Variants in TRIP11 observed in about 807,000 individuals in gnomAD.
TRIP11 encodes thyroid hormone receptor interactor 11.
TRIP11 carries 148 observed loss-of-function variants against 223.1 expected under a neutral mutation model. That is an observed-to-expected ratio of 0.66 (90% CI 0.58 to 0.76). The LOEUF (loss-of-function observed/expected upper bound fraction) is 0.76, where lower values mean the gene tolerates loss of function less well. TRIP11 is among the 30% of genes least tolerant of loss of function. The probability of loss-of-function intolerance (pLI) is 0.00; values close to 1 mark genes in which losing one functional copy is unlikely to be tolerated. For synonymous variants in TRIP11, 762 were observed against 772.6 expected (o/e 0.99, Z 0.23); for missense variants, 2,043 against 2,222.0 (o/e 0.92, Z 1.62).
At chr14:92,019,303 C>T (rs2057080139) in intron 4 of TRIP11, among the ~76,000 whole-genome samples, 1 of 152,140 alleles carries the variant, frequency 6.6e-6, no homozygotes, top group Non-Finnish European at 1.5e-5. Context: ...TTATCAGAAT[C>T]ACCAGGGCTA....
rs779255597 is a variant in TRIP11 at position 92,004,584 on chromosome 14, G to A, written c.3392C>T (p.Ala1131Val). The change falls in exon 11 of 21, where the codon GCA becomes GTA. Residue 1131 changes from alanine to valine, a missense_variant. Coordinates refer to ENST00000267622, the MANE Select transcript of TRIP11 (RefSeq NM_004239.4). ...TTCATCTTGCAGTTTGATAAGAGCT[G>A]CTTCCTTGGCAGCAACAATATCCAT... ...KMMDIVAAKE[A>V]ALIKLQDENK... 9.9e-6 allele frequency: 16 copies of A among 1,613,956 alleles called. No homozygotes were observed. Among genetic ancestry groups the A allele is most frequent in the East Asian group, 8.9e-5 (4 of 44,866 alleles).
At chr14:91,970,496 C>T (rs1471539140) in intron 20 of TRIP11, among the ~76,000 whole-genome samples, 2 of 151,940 alleles carry the variant, frequency 1.3e-5, no homozygotes, top group Admixed American at 6.6e-5. Context: ...ATTTGTATGG[C>T]TAAAATCTGA....
chr14:92,015,804 G>C lies in TRIP11; in HGVS notation c.715C>G (p.Leu239Val). ...AATTTCTGTTGGTGTGCATTCTGCA[G>C]TACTGACATTTCATGTTGATGGTCA... ...IDDHQHEMSVLQNAHQQKLTE... is the reference protein window; with the variant it reads ...IDDHQHEMSVVQNAHQQKLTE... Residue 239 changes from leucine (L) to valine (V), a missense_variant, in exon 6 of 21, where the codon CTG (leucine) becomes GTG (valine). Coordinates refer to ENST00000267622, the MANE Select transcript of TRIP11 (RefSeq NM_004239.4). 1 of 1,613,280 alleles carries C rather than the reference G, an allele frequency of 6.2e-7. No homozygotes were observed. The highest frequency in any genetic ancestry group is 8.5e-7 in the Non-Finnish European group (1 of 1,179,832).
chr14:92,021,875 A>G (rs750645855), intron 3 of TRIP11, 44 bp from the exon 4 acceptor site: 1 of 1,590,692 alleles, frequency 6.3e-7, no homozygotes, highest in South Asian at 1.1e-5. Context: ...ACTTTAAAAC[A>G]ATCATATTGA....
intron 1 of TRIP11, among the ~76,000 whole-genome samples, chr14:92,035,596 GA>G (rs1267871901): frequency 9.8e-6 from 1 of 102,112 alleles, no homozygotes; most frequent in Non-Finnish European, 2.0e-5. Flanking sequence ...TTTTTTTTTT[GA>G]GACAGAGTCT....
intron 1 of TRIP11, among the ~76,000 whole-genome samples, chr14:92,036,076 G>C (rs998016384): frequency 5.9e-5 from 9 of 152,280 alleles, no homozygotes; most frequent in Non-Finnish European, 1.0e-4. Context: ...TACATCTGTG[G>C]TTGGTTGTAC....
chr14:92,005,523 TC>T lies in TRIP11; in HGVS notation c.2452del (p.Glu818LysfsTer21). 6.2e-7 allele frequency: 1 copy of T among 1,611,758 alleles called. No individual in the cohort carries two copies. Among genetic ancestry groups the T allele is most frequent in the Non-Finnish European group, 8.5e-7 (1 of 1,179,578 alleles). The stretch of plus-strand genomic sequence containing the variant: ...CTTTGAACTTCTTTCTTTAAGCTTT[TC>T]AATAAAAATTTCTTTCTTGTTTATA... ...QLINKKEIFI[E>X]KLKERSSKLQ... On this transcript the variant is annotated frameshift_variant, in exon 11 of 21. Transcript: ENST00000267622. LOFTEE classifies it high-confidence loss of function.
intron 15 of TRIP11, among the ~76,000 whole-genome samples, chr14:91,992,675 C>A (rs947405413): frequency 1.3e-5 from 2 of 151,632 alleles, no homozygotes; most frequent in Admixed American, 1.3e-4. Context: ...TTTGGGAGGC[C>A]AAGGCGGGCG....
chr14:92,012,363 C>G (rs1305887768), intron 7 of TRIP11, among the ~76,000 whole-genome samples: 2 of 152,140 alleles, frequency 1.3e-5, no homozygotes, highest in Non-Finnish European at 2.9e-5. Flanking sequence ...AAATATTTAG[C>G]ATTTACTATG....
Position 92,005,301 on chromosome 14 carries a change from G to C in TRIP11, c.2675C>G (p.Thr892Ser), listed in dbSNP as rs758205837. 24 of 1,613,932 alleles carry C rather than the reference G, an allele frequency of 1.5e-5. No homozygotes were observed. In the Admixed American group the frequency reaches 1.8e-4, roughly 12 times the overall value. ...TTGAGATACCTCAGATGCTAGTTCA[G>C]TAACACTATCAAGGGTTTTAGGGTC... is the stretch of plus-strand genomic sequence containing the variant. Reference protein sequence around the residue: ...VADPKTLDSVTELASEVSQLN... With the variant: ...VADPKTLDSVSELASEVSQLN... The change falls in exon 11 of 21, where the codon ACT (threonine) becomes AGT (serine). Residue 892 changes from threonine (T) to serine (S), a missense_variant. Thr to Ser is a moderately conservative substitution (Grantham distance 58, BLOSUM62 1). Coordinates refer to ENST00000267622, the MANE Select transcript of TRIP11 (RefSeq NM_004239.4).
chr14:91,980,098 T>A (rs981042338), intron 16 of TRIP11, among the ~76,000 whole-genome samples: 2 of 152,174 alleles, frequency 1.3e-5, no homozygotes, highest in Admixed American at 6.5e-5. Flanking sequence ...ACTTGCCATA[T>A]CAGAGTCTCT....
chr14:92,006,841 T>C (rs562887094), intron 10 of TRIP11, among the ~76,000 whole-genome samples: 111 of 151,848 alleles, frequency 7.3e-4, no homozygotes, highest in Middle Eastern at 6.8e-3. Flanking sequence ...GCTAATTTTG[T>C]ATTTTTAGTA....
intron 4 of TRIP11, among the ~76,000 whole-genome samples, chr14:92,019,824 C>T (rs1357976368): frequency 2.6e-5 from 4 of 152,144 alleles, no homozygotes; most frequent in South Asian, 2.1e-4. Context: ...TTTTGGTTCA[C>T]ACACAAGTTA....
intron 16 of TRIP11, among the ~76,000 whole-genome samples, chr14:91,976,761 T>C (rs1220742560): frequency 6.6e-6 from 1 of 152,194 alleles, no homozygotes; most frequent in East Asian, 1.9e-4. Context: ...CTATAGCTTA[T>C]GACTGACTTA....
At chr14:91,972,030 AT>A (rs773534489) in intron 20 of TRIP11, among the ~76,000 whole-genome samples, 10 of 152,356 alleles carry the variant, frequency 6.6e-5, no homozygotes, top group Admixed American at 5.2e-4. Flanking sequence ...GAATTTGTTT[AT>A]AGTCCAACAG....
chr14:92,033,985 G>C (rs957814527), intron 1 of TRIP11, among the ~76,000 whole-genome samples: 2 of 152,178 alleles, frequency 1.3e-5, no homozygotes, highest in African/African-American at 4.8e-5. Flanking sequence ...CTGTATGAGA[G>C]TGAAGTTTGG....
chr14:91,973,054 C>A (rs1047121172), intron 19 of TRIP11, among the ~76,000 whole-genome samples, 193 bp from the exon 20 acceptor site: 221 of 130,278 alleles, frequency 1.7e-3, no homozygotes, highest in Non-Finnish European at 2.5e-3. Context: ...GAGACGGTGT[C>A]TTGCTCTGTC....
At chr14:91,993,716 G>A (rs1159618462) in intron 15 of TRIP11, 93 bp downstream of exon 15, 2 of 1,007,960 alleles carry the variant, frequency 2.0e-6, no homozygotes, top group Non-Finnish European at 3.0e-6. Flanking sequence ...TTTACTAAAT[G>A]AACAGTTTAG....
intron 12 of TRIP11, 74 bp from the exon 13 acceptor site, chr14:91,999,507 C>G: frequency 6.8e-7 from 1 of 1,474,346 alleles, no homozygotes; most frequent in Non-Finnish European, 9.4e-7. Flanking sequence ...GTTATCAAAT[C>G]TTTTTCCCAT....
Sources: gnomAD v4.1 joint callset for allele counts (sites outside exome capture counted in the v4.1 genomes callset) on GRCh38, gnomAD v4.1.1 for gene constraint, MANE v1.5 for transcripts, NCBI Gene and HGNC (gene_info 2026-07-23, HGNC 2026-07-21) for gene names.